The following ALG8 variants were observed in gnomAD, a reference collection of about 807,000 sequenced individuals.
ALG8 encodes the protein ALG8 alpha-1,3-glucosyltransferase.
A neutral mutation model predicts 70.2 loss-of-function variants in ALG8; 48 were observed. The observed-to-expected ratio is 0.68, with a 90% CI of 0.54 to 0.87. ALG8 has a LOEUF of 0.87. Ranked by LOEUF, ALG8 falls within the 40% of genes least tolerant of loss-of-function variation. The pLI is 0.00. For missense variants in ALG8, 572 were observed against 608.7 expected (o/e 0.94, Z 0.64); for synonymous variants, 234 against 229.0 (o/e 1.02, Z -0.20).
At position 78,106,794 on chromosome 11, in the gene ALG8, G is replaced by C; in HGVS notation, c.1178+13C>G. The C allele has an allele frequency of 6.2e-7, 1 of 1,613,830 alleles. No homozygotes were observed. On this transcript the variant is annotated intron_variant, in intron 10 of 12. Transcript: ENST00000299626. ...ATATGCCAAAATGCTCACTGGCTGA[G>C]CTATCTGCTTACCTCATTGGGAGAA...
In ALG8 at chr11:78,121,119, T is replaced by C. The variant is rs1436645264; in HGVS notation, c.424A>G (p.Lys142Glu). The C allele has an allele frequency of 3.1e-6, 5 of 1,613,974 alleles. No individual in the cohort carries two copies. Among genetic ancestry groups the C allele is most frequent in the Non-Finnish European group, 4.2e-6 (5 of 1,180,000 alleles). ...KVGKELTEKPKFILSVLLLWN... is the reference protein window; with the variant it reads ...KVGKELTEKPEFILSVLLLWN... ...AGAAGTAATACCGACAGAATAAATT[T>C]TGGCTTTTCTGTAAGTTCTTTACCC... The change falls in exon 4 of 13, where the codon AAA becomes GAA. Residue 142 changes from lysine (K) to glutamate (E), a missense_variant. Physicochemically the swap from Lys to Glu is moderately conservative, Grantham distance 56. Coordinates refer to ENST00000299626, the MANE Select transcript of ALG8 (RefSeq NM_024079.5).
At chr11:78,114,882 A>ACAG in intron 5 of ALG8, 2 of 246,002 alleles carry the variant, frequency 8.1e-6, no homozygotes, top group Non-Finnish European at 1.6e-5. Flanking sequence ...GGCTGAGGTG[A>ACAG]GAGAATCTGC....
intron 12 of ALG8, 59 bp downstream of exon 12, chr11:78,103,921 C>T: frequency 2.1e-6 from 2 of 933,114 alleles, no homozygotes; most frequent in Non-Finnish European, 3.3e-6. Context: ...GCTTATTTGA[C>T]CACTTAGGTG....
At chr11:78,103,946 G>T in intron 12 of ALG8, 34 bp downstream of exon 12, 1 of 1,198,252 alleles carries the variant, frequency 8.3e-7, no homozygotes, top group Non-Finnish European at 1.2e-6. Context: ...CATTTCACAA[G>T]AGTAAGTATA....
At position 78,127,366 on chromosome 11, in the gene ALG8, A is replaced by T. The variant is rs1193247534; in HGVS notation, c.166T>A (p.Tyr56Asn). The change falls in exon 2 of 13, where the codon TAT (tyrosine) becomes AAT (asparagine). Residue 56 changes from tyrosine (Y) to asparagine (N), a missense_variant. Physicochemically the swap from Tyr to Asn is moderately radical, Grantham distance 143 (BLOSUM62 -2). Coordinates refer to ENST00000299626, the MANE Select transcript of ALG8 (RefSeq NM_024079.5). The stretch of plus-strand genomic sequence containing the variant: ...TGAAAATTAAAACTTACCTCATAAT[A>T]CCACTGTGATATTGGCAAACTGTGA... ...ITHSLPISQW[Y>N]YEATSEWTLD... 1 of 1,612,568 alleles carries T rather than the reference A, an allele frequency of 6.2e-7. No homozygotes were observed. The highest frequency in any genetic ancestry group is 8.5e-7 in the Non-Finnish European group (1 of 1,178,854).
chr11:78,104,305 A>C (rs1253380365), intron 11 of ALG8, 51 bp downstream of exon 11: 1 of 1,473,500 alleles, frequency 6.8e-7, no homozygotes, highest in East Asian at 2.5e-5. Flanking sequence ...GTGGGCCTCG[A>C]TGAAAAGGTT....
At chr11:78,122,855 T>C (rs1393725555) in intron 3 of ALG8, among the ~76,000 whole-genome samples, 9 of 86,230 alleles carry the variant, frequency 1.0e-4, no homozygotes, top group Non-Finnish European at 1.8e-4. Context: ...TCAATGAGAA[T>C]GCGCAAGGGT....
intron 3 of ALG8, 50 bp downstream of exon 3, chr11:78,123,971 G>T (rs1038125467): frequency 8.2e-6 from 13 of 1,589,696 alleles, no homozygotes; most frequent in African/African-American, 1.3e-5. Context: ...ACTTAACACT[G>T]TACTATTTTT....
At chr11:78,123,871 G>C in intron 3 of ALG8, 150 bp downstream of exon 3, 1 of 853,448 alleles carries the variant, frequency 1.2e-6, no homozygotes, top group South Asian at 1.6e-5. Context: ...CTTTAAACAT[G>C]TAGTTTAAAG....
At chr11:78,115,300 C>T (rs625601) in intron 5 of ALG8, among the ~76,000 whole-genome samples, 21,900 of 152,044 alleles carry the variant, frequency 0.14, 1,684 homozygotes, top group East Asian at 0.28. Context: ...TCCCAAAGTG[C>T]TGGGATTACA....
At chr11:78,138,149 T>A (rs520947) in intron 1 of ALG8, among the ~76,000 whole-genome samples, 1 of 151,924 alleles carries the variant, frequency 6.6e-6, no homozygotes, top group African/African-American at 2.4e-5. Flanking sequence ...AGATTTGAGA[T>A]CAGCCCTCCG....
chr11:78,134,725 G>GT (rs1861468480), intron 1 of ALG8, among the ~76,000 whole-genome samples: 1 of 152,346 alleles, frequency 6.6e-6, no homozygotes, highest in African/African-American at 2.4e-5. Flanking sequence ...TCCATGAGAA[G>GT]TAACTCCTCA....
chr11:78,128,772 G>A (rs1033493937), intron 1 of ALG8, among the ~76,000 whole-genome samples: 36 of 151,706 alleles, frequency 2.4e-4, no homozygotes, highest in African/African-American at 8.5e-4. Flanking sequence ...CACCACGCCT[G>A]GCTAATTTTT....
chr11:78,115,391 CTTTTT>C (rs1216038477), intron 5 of ALG8, among the ~76,000 whole-genome samples: 1 of 150,824 alleles, frequency 6.6e-6, no homozygotes, highest in Non-Finnish European at 1.5e-5. Flanking sequence ...TTCCAGCTAG[CTTTTT>C]TTTTGAGACG....
chr11:78,107,093 T>C, intron 9 of ALG8, 147 bp from the exon 10 acceptor site: 1 of 1,060,100 alleles, frequency 9.4e-7, no homozygotes. Flanking sequence ...CATCACTTTG[T>C]GCACAGTCTA....
chr11:78,104,936 C>A (rs1044472617), intron 10 of ALG8, among the ~76,000 whole-genome samples: 1 of 151,580 alleles, frequency 6.6e-6, no homozygotes, highest in Non-Finnish European at 1.5e-5. Context: ...TGCACTCCAG[C>A]CTGGGCAACA....
Position 78,119,200 on chromosome 11 carries a change from G to A in ALG8, c.528C>T (p.Ser176=), listed in dbSNP as rs1323702955. The A allele has an allele frequency of 2.5e-6, 4 of 1,610,540 alleles. No individual in the cohort carries two copies. The highest frequency in any genetic ancestry group is 3.4e-6 in the Non-Finnish European group (4 of 1,177,056). ...TGTTTACCTGAAATAATCGTGCAAT[G>A]GAGAGTAGCATTAATCCAAATAAAA... The part of the protein sequence containing the change: ...NGFLFGLMLL[S]IARLFQKRHM... The change falls in exon 5 of 13, where the codon TCC becomes TCT. Residue 176 remains serine (S), a synonymous_variant. Transcript: ENST00000299626.
intron 7 of ALG8, among the ~76,000 whole-genome samples, 197 bp from the exon 8 acceptor site, chr11:78,112,967 G>A (rs1463026064): frequency 6.6e-6 from 1 of 151,974 alleles, no homozygotes; most frequent in Non-Finnish European, 1.5e-5. Flanking sequence ...CTGTCCAGTG[G>A]GACAATATAC....
At chr11:78,117,805 T>C (rs1465102153) in intron 5 of ALG8, among the ~76,000 whole-genome samples, 1 of 144,080 alleles carries the variant, frequency 6.9e-6, no homozygotes, top group Non-Finnish European at 1.5e-5. Flanking sequence ...CCGGGAGCGG[T>C]GGCTCACGTC....
Sources: gnomAD v4.1 joint callset for allele counts (sites outside exome capture counted in the v4.1 genomes callset) on GRCh38, gnomAD v4.1.1 for gene constraint, MANE v1.5 for transcripts, NCBI Gene and HGNC (gene_info 2026-07-23, HGNC 2026-07-21) for gene names.